Variants in SEM1 observed in about 807,000 individuals in gnomAD.
The protein encoded by SEM1 is SEM1 26S proteasome subunit.
A neutral mutation model predicts 12.7 loss-of-function variants in SEM1; 3 were observed. That is an observed-to-expected ratio of 0.24 (90% confidence interval 0.11 to 0.61). SEM1 has a LOEUF of 0.61. SEM1 is among the 20% of genes least tolerant of loss of function. The pLI is 0.88. For missense variants in SEM1, 59 were observed against 81.3 expected (o/e 0.73, Z 1.06); for synonymous variants, 30 against 27.8 (o/e 1.08, Z -0.25).
At chr7:96,502,100 G>A (rs936562461) in intron 3 of SEM1, among the ~76,000 whole-genome samples, 7 of 152,012 alleles carry the variant, frequency 4.6e-5, no homozygotes, top group African/African-American at 1.4e-4. Flanking sequence ...TGATGTACAT[G>A]TGCCATATTT....
intron 2 of SEM1, among the ~76,000 whole-genome samples, chr7:96,581,464 G>A (rs1423712417): frequency 1.3e-5 from 2 of 151,524 alleles, no homozygotes; most frequent in East Asian, 3.9e-4. Context: ...GCTCTTTTTT[G>A]GTTCCATATG....
intron 2 of SEM1, among the ~76,000 whole-genome samples, chr7:96,659,005 G>A (rs776692464): frequency 6.6e-6 from 1 of 152,102 alleles, no homozygotes; most frequent in African/African-American, 2.4e-5. Context: ...GTTGTGATTA[G>A]TTGCATTATT....
intron 2 of SEM1, among the ~76,000 whole-genome samples, chr7:96,542,781 G>A (rs149611459): frequency 1.2e-3 from 176 of 151,666 alleles, no homozygotes; most frequent in African/African-American, 3.8e-3. Flanking sequence ...ACAAATTTTG[G>A]GGGAAATATG....
At chr7:96,648,025 T>G (rs1047713555) in intron 2 of SEM1, among the ~76,000 whole-genome samples, 12 of 152,198 alleles carry the variant, frequency 7.9e-5, no homozygotes, top group African/African-American at 2.7e-4. Flanking sequence ...TGAAAGGATC[T>G]TAAGTGTAAT....
intron 2 of SEM1, among the ~76,000 whole-genome samples, chr7:96,563,513 A>G (rs949499050): frequency 6.6e-6 from 1 of 152,160 alleles, no homozygotes; most frequent in Admixed American, 6.6e-5. Context: ...AAATTCAACT[A>G]TACAGAAGTA....
chr7:96,559,237 A>G (rs947517408), intron 2 of SEM1, among the ~76,000 whole-genome samples: 54 of 152,186 alleles, frequency 3.5e-4, no homozygotes, highest in African/African-American at 1.2e-3. Context: ...CTAGAGATAT[A>G]TATTTGCATA....
At chr7:96,549,394 G>A (rs1282088301) in intron 2 of SEM1, among the ~76,000 whole-genome samples, 1 of 152,134 alleles carries the variant, frequency 6.6e-6, no homozygotes, top group Non-Finnish European at 1.5e-5. Context: ...GATTTTTAGG[G>A]CACTTTCGTG....
intron 2 of SEM1, among the ~76,000 whole-genome samples, chr7:96,617,079 G>A (rs1480510049): frequency 1.3e-5 from 2 of 151,938 alleles, no homozygotes; most frequent in East Asian, 3.9e-4. Context: ...CTAATTCTCT[G>A]AAAAAATGTC....
intron 1 of SEM1, chr7:96,695,916 G>C (rs1428816787): frequency 1.3e-5 from 2 of 151,816 alleles, no homozygotes; most frequent in East Asian, 3.9e-4. Flanking sequence ...TGCTAACCTT[G>C]TAAGTCTTTG....
At chr7:96,645,567 A>G (rs1808760071) in intron 2 of SEM1, 6 of 393,308 alleles carry the variant, frequency 1.5e-5, no homozygotes, top group Non-Finnish European at 2.7e-5. Flanking sequence ...TGAAAGAGAG[A>G]CCGGAGCATG....
intron 2 of SEM1, among the ~76,000 whole-genome samples, chr7:96,627,012 G>C (rs929906799): frequency 6.6e-6 from 1 of 151,954 alleles, no homozygotes; most frequent in Non-Finnish European, 1.5e-5. Flanking sequence ...GTTCAATCTT[G>C]GTAGGTTTTA....
intron 2 of SEM1, among the ~76,000 whole-genome samples, chr7:96,611,193 A>G (rs1224540597): frequency 6.6e-6 from 1 of 152,168 alleles, no homozygotes; most frequent in Non-Finnish European, 1.5e-5. Flanking sequence ...CTCCATTAAG[A>G]TGGTGTAGAA....
intron 2 of SEM1, among the ~76,000 whole-genome samples, chr7:96,548,645 C>T (rs898334116): frequency 2.0e-5 from 3 of 152,142 alleles, no homozygotes; most frequent in Non-Finnish European, 4.4e-5. Context: ...AACTTGTGAT[C>T]AACCGAACTA....
intron 2 of SEM1, among the ~76,000 whole-genome samples, chr7:96,676,913 T>C (rs1415621727): frequency 6.6e-6 from 1 of 152,340 alleles, no homozygotes; most frequent in East Asian, 1.9e-4. Context: ...CCTCCAGTCT[T>C]CCTTTCATGT....
At chr7:96,492,939 A>G (rs776012855) in intron 1 of SEM1, among the ~76,000 whole-genome samples, 12 of 152,022 alleles carry the variant, frequency 7.9e-5, no homozygotes, top group Non-Finnish European at 1.6e-4. Flanking sequence ...TCTGGTGTAT[A>G]TTCAAAAGTA....
intron 2 of SEM1, among the ~76,000 whole-genome samples, chr7:96,571,697 A>C (rs1806035536): frequency 6.6e-6 from 1 of 152,036 alleles, no homozygotes; most frequent in Non-Finnish European, 1.5e-5. Flanking sequence ...TCGGTTTGCC[A>C]ATATTTTATT....
chr7:96,543,279 G>A (rs1805009417), intron 2 of SEM1, among the ~76,000 whole-genome samples: 1 of 151,812 alleles, frequency 6.6e-6, no homozygotes, highest in Non-Finnish European at 1.5e-5. Flanking sequence ...TAATCTAAAG[G>A]TGATTTAACA....
intron 2 of SEM1, among the ~76,000 whole-genome samples, chr7:96,681,330 G>T (rs183688271): frequency 1.3e-5 from 2 of 151,962 alleles, no homozygotes; most frequent in Non-Finnish European, 2.9e-5. Flanking sequence ...TAGATTATAG[G>T]GCAGAAAGAG....
At chr7:96,528,255 G>A (rs1280012923) in intron 2 of SEM1, among the ~76,000 whole-genome samples, 4 of 152,056 alleles carry the variant, frequency 2.6e-5, no homozygotes, top group Non-Finnish European at 5.9e-5. Context: ...GTACAGTGGC[G>A]TGATCTCAGC....
Sources: gnomAD v4.1 joint callset for allele counts (sites outside exome capture counted in the v4.1 genomes callset) on GRCh38, gnomAD v4.1.1 for gene constraint, MANE v1.5 for transcripts, NCBI Gene and HGNC (gene_info 2026-07-23, HGNC 2026-07-21) for gene names.